Variants in SYCP1 observed in about 807,000 individuals in gnomAD.
The protein encoded by SYCP1 is synaptonemal complex protein 1, also known as cancer/testis antigen 8.
In SYCP1, 64 loss-of-function variants were observed where a neutral mutation model predicts 153.1. The observed-to-expected ratio is 0.42, with a 90% confidence interval of 0.34 to 0.51. The LOEUF (loss-of-function observed/expected upper bound fraction) is 0.51. Ranked by LOEUF, SYCP1 falls within the 20% of genes least tolerant of loss-of-function variation. SYCP1 has a pLI of 0.06. For missense variants in SYCP1, 997 were observed against 1,049.0 expected, an observed-to-expected ratio of 0.95 and a Z score of 0.68; for synonymous variants, 384 against 341.8, an observed-to-expected ratio of 1.12 and a Z score of -1.36.
At chr1:114,957,215 C>T (rs1039453537) in intron 27 of SYCP1, among the ~76,000 whole-genome samples, 1 of 152,108 alleles carries the variant, frequency 6.6e-6, no homozygotes, top group Non-Finnish European at 1.5e-5. Flanking sequence ...CAAGTGACCA[C>T]CACCCCACCC....
At chr1:114,935,726 C>T (rs982625917) in intron 23 of SYCP1, among the ~76,000 whole-genome samples, 4 of 152,094 alleles carry the variant, frequency 2.6e-5, no homozygotes, top group Non-Finnish European at 5.9e-5. Flanking sequence ...GGGGATATCA[C>T]CAGTGATCCC....
intron 27 of SYCP1, among the ~76,000 whole-genome samples, chr1:114,952,838 G>A: frequency 6.6e-6 from 1 of 152,084 alleles, no homozygotes; most frequent in Non-Finnish European, 1.5e-5. Flanking sequence ...TTTATATAAT[G>A]TAATTATTAG....
Position 114,855,555 on chromosome 1 carries a change from G to A in SYCP1, c.91G>A (p.Asp31Asn), listed in dbSNP as rs756130173. 2 of 1,606,156 alleles carry A rather than the reference G, an allele frequency of 1.2e-6. No individual in the cohort carries two copies. Among genetic ancestry groups the A allele is most frequent in the African/African-American group, 1.3e-5 (1 of 74,536 alleles). ...GGTGAAACCTCAGACCCTGGGAGGC[G>A]ATTCCACTTTCTTCAAGGTAAATTT... ...SAVKPQTLGGDSTFFKSFNKC... is the reference protein window; with the variant it reads ...SAVKPQTLGGNSTFFKSFNKC... The change falls in exon 2 of 32, where the codon GAT becomes AAT. Residue 31 changes from aspartate (D) to asparagine (N), a missense_variant. By Grantham distance (23) the Asp-to-Asn change is conservative. Transcript: ENST00000369522.
intron 12 of SYCP1, among the ~76,000 whole-genome samples, chr1:114,885,113 T>C (rs956072098): frequency 3.9e-5 from 6 of 152,166 alleles, no homozygotes; most frequent in African/African-American, 1.4e-4. Context: ...TATCTTTTCC[T>C]TTTGCATGCA....
At chr1:114,875,725 G>A (rs1234762638) in intron 9 of SYCP1, among the ~76,000 whole-genome samples, 1 of 152,156 alleles carries the variant, frequency 6.6e-6, no homozygotes, top group Admixed American at 6.6e-5. Flanking sequence ...CATGGGGAGA[G>A]GCCTCACATT....
At chr1:114,993,545 G>A (rs1570934777) in intron 30 of SYCP1, among the ~76,000 whole-genome samples, 1 of 151,150 alleles carries the variant, frequency 6.6e-6, no homozygotes, top group South Asian at 2.1e-4. Context: ...TGCAAAATGG[G>A]GATAATGGTA....
chr1:114,854,135 T>A (rs1225637856), upstream of SYCP1, among the ~76,000 whole-genome samples: 1 of 150,332 alleles, frequency 6.7e-6, no homozygotes, highest in East Asian at 2.0e-4. Flanking sequence ...CTCCTTTCTC[T>A]CCTCTGTCTC....
At chr1:114,981,872 A>T (rs1673178763) in intron 29 of SYCP1, among the ~76,000 whole-genome samples, 1 of 152,044 alleles carries the variant, frequency 6.6e-6, no homozygotes, top group Non-Finnish European at 1.5e-5. Flanking sequence ...ATCAGTGTTT[A>T]AGGCCCTGAC....
intron 23 of SYCP1, among the ~76,000 whole-genome samples, chr1:114,937,091 A>G (rs1204062403): frequency 3.3e-5 from 5 of 152,226 alleles, no homozygotes; most frequent in Admixed American, 2.6e-4. Flanking sequence ...TGCCAAGACA[A>G]TTCTAAGCGA....
chr1:114,912,719 G>C (rs1226718533), intron 18 of SYCP1, among the ~76,000 whole-genome samples: 1 of 151,830 alleles, frequency 6.6e-6, no homozygotes, highest in Non-Finnish European at 1.5e-5. Flanking sequence ...AAAAATTATT[G>C]AAGAAAATAA....
intron 27 of SYCP1, among the ~76,000 whole-genome samples, chr1:114,961,868 G>T (rs1671798901): frequency 6.6e-6 from 1 of 151,908 alleles, no homozygotes; most frequent in African/African-American, 2.4e-5. Flanking sequence ...CTGTTCCAGG[G>T]TATAGATTAA....
At chr1:114,955,391 C>A (rs532005506) in intron 27 of SYCP1, among the ~76,000 whole-genome samples, 1 of 152,212 alleles carries the variant, frequency 6.6e-6, no homozygotes, top group South Asian at 2.1e-4. Context: ...CTTCTCTATA[C>A]TATCTTGTCT....
At chr1:114,924,063 T>G (rs1158372234) in intron 21 of SYCP1, among the ~76,000 whole-genome samples, 1 of 152,206 alleles carries the variant, frequency 6.6e-6, no homozygotes, top group Non-Finnish European at 1.5e-5. Flanking sequence ...ATTGACCACC[T>G]ACTATGTGCC....
rs761101791 is a variant in SYCP1 at position 114,944,858 on chromosome 1, T to G, written c.2044-14T>G. The stretch of plus-strand genomic sequence containing the variant: ...TTTATTTTAAGAAACTTTTTTTTTT[T>G]GCTTATTTGATAGGTTGAGAAAGCA... On this transcript the variant is annotated splice_polypyrimidine_tract_variant and intron_variant, in intron 24 of 31. Transcript: ENST00000369522. 8 of 1,530,450 alleles carry G rather than the reference T, an allele frequency of 5.2e-6. No homozygotes were observed. The highest frequency in any genetic ancestry group is 2.3e-5 in the East Asian group (1 of 43,822). 94.8% of individuals were successfully genotyped at this position (1,530,450 alleles called of 1,614,324 possible). A position where few individuals can be genotyped will look rare whatever the true frequency, so the allele number is the denominator to read the frequency against.
intron 22 of SYCP1, 36 bp downstream of exon 22, chr1:114,926,376 T>C: frequency 6.6e-7 from 1 of 1,507,094 alleles, no homozygotes; most frequent in Non-Finnish European, 8.9e-7. Context: ...AAAATCAAAC[T>C]GATATTTTCA....
intron 27 of SYCP1, among the ~76,000 whole-genome samples, chr1:114,962,141 C>G (rs1671823258): frequency 6.6e-6 from 1 of 151,970 alleles, no homozygotes; most frequent in Non-Finnish European, 1.5e-5. Context: ...CGGCACAACA[C>G]CCAGCTAATT....
chr1:114,888,904 T>C (rs1209130345), intron 15 of SYCP1, among the ~76,000 whole-genome samples: 1 of 150,900 alleles, frequency 6.6e-6, no homozygotes. Context: ...CCTCCCTGTG[T>C]CCATGTGTTC....
chr1:114,972,214 T>C (rs956722478), intron 27 of SYCP1, among the ~76,000 whole-genome samples: 4 of 152,168 alleles, frequency 2.6e-5, no homozygotes, highest in African/African-American at 9.6e-5. Context: ...ATTTACCTCA[T>C]AGTAACCTCT....
rs1377649417 is a variant in SYCP1, at chr1:114,946,324, A to G, written c.2190A>G (p.Ser730=). The part of the protein sequence containing the change: ...QYDKIIEERD[S]ELGLYKSKEQ... ...ATAAGATCATTGAAGAAAGAGACTC[A>G]GAATTAGGACTTTATAAGAGCAAAG... Residue 730 remains serine (S), a synonymous_variant, in exon 26 of 32, where the codon TCA becomes TCG. Transcript: ENST00000369522. 15 of 1,584,748 alleles carry G rather than the reference A, an allele frequency of 9.5e-6. No homozygotes were observed. Among genetic ancestry groups the G allele is most frequent in the Non-Finnish European group, 1.3e-5 (15 of 1,169,052 alleles).
Sources: allele counts gnomAD v4.1 joint callset (sites outside exome capture counted in the v4.1 genomes callset), GRCh38; gene constraint gnomAD v4.1.1; transcripts MANE v1.5; gene names NCBI Gene and HGNC (gene_info 2026-07-23, HGNC 2026-07-21).